BRD9: variants seen among roughly 807,000 people sequenced by gnomAD.
The protein encoded by BRD9 is bromodomain containing 9.
Under a neutral mutation model 68.7 loss-of-function variants are expected in BRD9, and 47 were observed. The ratio of observed to expected loss-of-function variants is 0.68; its 90% CI spans 0.54 to 0.87. The LOEUF (loss-of-function observed/expected upper bound fraction) is 0.87. Among genes scored for constraint, BRD9 ranks in the 40% least tolerant of loss-of-function variants. BRD9 has a pLI of 0.00. For missense variants in BRD9, 670 were observed against 748.4 expected, an observed-to-expected ratio of 0.90 and a Z score of 1.22; for synonymous variants, 313 against 293.9, an observed-to-expected ratio of 1.06 and a Z score of -0.67.
chr5:875,932 C>T (rs546760805), intron 12 of BRD9, among the ~76,000 whole-genome samples, 169 bp downstream of exon 12: 2 of 152,308 alleles, frequency 1.3e-5, no homozygotes, highest in South Asian at 4.1e-4. Context: ...TCACGGTCTC[C>T]GGGGGACACC....
intron 7 of BRD9, among the ~76,000 whole-genome samples, 165 bp downstream of exon 7, chr5:886,427 G>A (rs1181895147): frequency 6.6e-6 from 1 of 152,154 alleles, no homozygotes; most frequent in Non-Finnish European, 1.5e-5. Flanking sequence ...GTGGGCAGGA[G>A]GGGCTGTCTG....
At position 864,366 on chromosome 5, in the gene BRD9, G is replaced by T. The variant is rs1749031166; in HGVS notation, c.*102C>A. The T allele has an allele frequency of 2.0e-6, 2 of 1,002,036 alleles. No homozygotes were observed. Among genetic ancestry groups the T allele is most frequent in the Non-Finnish European group, 2.9e-6 (2 of 694,326 alleles). 62.1% of individuals were successfully genotyped at this position (1,002,036 alleles called of 1,614,324 possible). A position where few individuals can be genotyped will look rare whatever the true frequency, so the allele number is the denominator to read the frequency against. The stretch of plus-strand genomic sequence containing the variant: ...ACCTCCCCGCGGCTGCTTCCCGCAT[G>T]CCAAAGGGGACAGGATCAAAGTCCT... On this transcript the variant is annotated 3_prime_UTR_variant, in exon 16 of 16. Transcript: ENST00000467963.
At chr5:885,272 G>A (rs546862333) in intron 7 of BRD9, among the ~76,000 whole-genome samples, 8 of 152,312 alleles carry the variant, frequency 5.3e-5, no homozygotes, top group South Asian at 2.1e-4. Context: ...GGGGACTGTC[G>A]TCCGTTGCCA....
intron 8 of BRD9, chr5:881,634 G>A (rs1751779158): frequency 1.3e-5 from 3 of 235,462 alleles, no homozygotes; most frequent in Admixed American, 5.2e-5. Context: ...AGGCACTGGT[G>A]TGTGCAGACT....
intron 8 of BRD9, chr5:883,375 A>G (rs1752079950): frequency 2.2e-6 from 1 of 456,928 alleles, no homozygotes; most frequent in Non-Finnish European, 4.4e-6. Context: ...TTCTCTTATC[A>G]GGGCTGCTAG....
rs931773011 is a variant in BRD9 at position 864,314 on chromosome 5, C to G, written c.*154G>C. On this transcript the variant is annotated 3_prime_UTR_variant, in exon 16 of 16. Coordinates refer to ENST00000467963, the MANE Select transcript of BRD9 (RefSeq NM_023924.5). ...GGGTTCGTGGGGCTTGGAGACTCTG[C>G]TGACATGATACCACAGACAATTCAT... 2 of 592,198 alleles carry G rather than the reference C, an allele frequency of 3.4e-6. No homozygotes were observed. The highest frequency in any genetic ancestry group is 6.3e-5 in the Admixed American group (2 of 31,740). The allele number at this position is 592,198 out of a possible 1,614,324, so 36.7% of individuals were successfully genotyped here. A position where few individuals can be genotyped will look rare whatever the true frequency, so the allele number is the denominator to read the frequency against.
rs758958923 is a variant in BRD9 at position 865,431 on chromosome 5, C to T, written c.1676G>A (p.Arg559Lys). The change falls in exon 15 of 16, where the codon AGG becomes AAG. Residue 559 changes from arginine (R) to lysine (K), a missense_variant. Arg to Lys is a conservative substitution (Grantham distance 26). Transcript: ENST00000467963. ...NLSSLSNASE[R>K]DQHHLGSPSR... ...CATCTCACCCAGGTGGTGCTGGTCCCTCTCGGAGGCGTTGGACAGGGAGCT... is the reference window on the plus strand; with the variant it reads ...CATCTCACCCAGGTGGTGCTGGTCCTTCTCGGAGGCGTTGGACAGGGAGCT... The T allele has an allele frequency of 1.8e-5, 28 of 1,586,120 alleles. No homozygotes were observed. The highest frequency in any genetic ancestry group is 2.3e-5 in the Non-Finnish European group (27 of 1,162,486).
chr5:868,270 C>T (rs1749644467), intron 14 of BRD9, among the ~76,000 whole-genome samples: 1 of 152,246 alleles, frequency 6.6e-6, no homozygotes, highest in Non-Finnish European at 1.5e-5. Flanking sequence ...AATTAAACCT[C>T]TTTCCTTCAC....
At chr5:876,337 G>A (rs1348678338) in intron 11 of BRD9, 125 bp from the exon 12 acceptor site, 8 of 656,234 alleles carry the variant, frequency 1.2e-5, no homozygotes, top group Admixed American at 2.8e-5. Flanking sequence ...CTCCCAGAGC[G>A]GGTATTTTGT....
At position 881,111 on chromosome 5, in the gene BRD9, A is replaced by C. The variant is rs1484811284; in HGVS notation, c.1038T>G (p.Ala346=). The change falls in exon 9 of 16, where the codon GCT becomes GCG. Residue 346 remains alanine, a synonymous_variant. Transcript: ENST00000467963. The part of the protein sequence containing the change: ...YSVVNTAEPD[A]DEEETHPVDL... ...CAGCCCTGAGCGGGCACCCACCATC[A>C]GCGTCCGGCTCGGCCGTGTTGACCA... The C allele has an allele frequency of 1.2e-6, 2 of 1,614,030 alleles. No homozygotes were observed. Among genetic ancestry groups the C allele is most frequent in the Non-Finnish European group, 8.5e-7 (1 of 1,180,008 alleles).
intron 1 of BRD9, chr5:892,373 C>T (rs1753575074): frequency 4.0e-6 from 4 of 992,244 alleles, no homozygotes; most frequent in Admixed American, 3.5e-5. Flanking sequence ...GGTGAGTGGG[C>T]TTGCAGCCTC....
chr5:891,997 A>G, intron 1 of BRD9, 143 bp from the exon 2 acceptor site: 2 of 1,335,392 alleles, frequency 1.5e-6, no homozygotes, highest in Non-Finnish European at 1.0e-6. Flanking sequence ...ACGGAAGGGA[A>G]GACCACAGTG....
At chr5:877,855 G>A (rs1486310000) in intron 11 of BRD9, among the ~76,000 whole-genome samples, 1 of 152,108 alleles carries the variant, frequency 6.6e-6, no homozygotes, top group East Asian at 1.9e-4. Flanking sequence ...GGGTCCTTGA[G>A]AACGGTAGGG....
intron 5 of BRD9, among the ~76,000 whole-genome samples, chr5:888,567 C>G (rs984131332): frequency 6.6e-6 from 1 of 152,212 alleles, no homozygotes; most frequent in African/African-American, 2.4e-5. Context: ...GTTGCTAATT[C>G]TCACAGCCAG....
chr5:890,955 G>C (rs1201569702), intron 3 of BRD9, among the ~76,000 whole-genome samples, 200 bp downstream of exon 3: 2 of 152,178 alleles, frequency 1.3e-5, no homozygotes, highest in Non-Finnish European at 1.5e-5. Flanking sequence ...GGCACCAGTG[G>C]TAACTGGCCA....
intron 15 of BRD9, among the ~76,000 whole-genome samples, chr5:865,210 C>A (rs1749189201): frequency 6.6e-6 from 1 of 152,256 alleles, no homozygotes; most frequent in South Asian, 2.1e-4. Flanking sequence ...CAGCGTGCGG[C>A]CAGGCCAGCA....
At position 892,630 on chromosome 5, in the gene BRD9, C is replaced by T; in HGVS notation, c.28G>A (p.Ala10Thr). The T allele has an allele frequency of 1.3e-6, 2 of 1,509,888 alleles. No individual in the cohort carries two copies. The highest frequency in any genetic ancestry group is 1.8e-6 in the Non-Finnish European group (2 of 1,129,186). The allele number at this position is 1,509,888 out of a possible 1,614,324, so 93.5% of individuals were successfully genotyped here. MGKKHKKHK[A>T]EWRSSYEDYA... ...CCCTCGTAGGACGAGCGCCACTCGG[C>T]CTTGTGCTTCTTGTGCTTCTTGCCC... The change falls in exon 1 of 16, where the codon GCC becomes ACC. Residue 10 changes from alanine to threonine, a missense_variant. Ala to Thr is a moderately conservative substitution (Grantham distance 58, BLOSUM62 0). Around this residue, in one of 5 missense-constraint regions of BRD9, gnomAD observed 161 missense variants for 148.1 expected, o/e 1.09. Coordinates refer to ENST00000467963, the MANE Select transcript of BRD9 (RefSeq NM_023924.5).
intron 3 of BRD9, chr5:889,859 C>G (rs545997488): frequency 2.9e-6 from 3 of 1,031,470 alleles, no homozygotes; most frequent in Middle Eastern, 2.3e-4. Flanking sequence ...TCATAAAAAT[C>G]TCTTGTAATA....
rs751055462 is a variant in BRD9, at chr5:881,212, C to G, written c.967-30G>C. The G allele has an allele frequency of 2.5e-6, 4 of 1,606,704 alleles. 1 individual carries two copies. The highest frequency in any genetic ancestry group is 3.3e-5 in the Admixed American group (2 of 59,918). ...AAGGAAGCACTGCCTGAGCGTCTGT[C>G]CCTCAGGAGGGGCAGCGCAGCACAA... On this transcript the variant is annotated intron_variant, in intron 8 of 15. Coordinates refer to ENST00000467963, the MANE Select transcript of BRD9 (RefSeq NM_023924.5).
Sources: gnomAD v4.1 joint callset for allele counts (sites outside exome capture counted in the v4.1 genomes callset) on GRCh38, gnomAD v4.1.1 for gene constraint, gnomAD v4.1.1 regional missense constraint, MANE v1.5 for transcripts, NCBI Gene and HGNC (gene_info 2026-07-23, HGNC 2026-07-21) for gene names.